Variants in RPP30 observed in about 807,000 individuals in gnomAD.
RPP30 encodes the protein ribonuclease P/MRP subunit p30, also known as ribonuclease P protein subunit p30.
A neutral mutation model predicts 38.6 loss-of-function variants in RPP30; 36 were observed. The observed-to-expected ratio is 0.93, with a 90% CI of 0.71 to 1.23. RPP30 has a LOEUF of 1.23. Among genes scored for constraint, RPP30 ranks in the 50% most tolerant of loss-of-function variants. RPP30 has a pLI of 0.00. For missense variants in RPP30, 321 were observed against 321.7 expected, an observed-to-expected ratio of 1.00 and a Z score of 0.02; for synonymous variants, 126 against 112.7, an observed-to-expected ratio of 1.12 and a Z score of -0.75.
intron 10 of RPP30, 116 bp from the exon 11 acceptor site, chr10:90,900,454 C>A: frequency 1.1e-6 from 1 of 923,810 alleles, no homozygotes; most frequent in Non-Finnish European, 1.6e-6. Context: ...GCAGCCATAG[C>A]AGTTCATTAT....
intron 6 of RPP30, among the ~76,000 whole-genome samples, 161 bp from the exon 7 acceptor site, chr10:90,894,614 G>C (rs530654527): frequency 6.6e-6 from 1 of 152,104 alleles, no homozygotes; most frequent in Non-Finnish European, 1.5e-5. Flanking sequence ...TCTCCTTGTG[G>C]GTGGTGCCAT....
downstream of RPP30, chr10:90,905,983 A>G (rs1304302497): frequency 1.3e-5 from 2 of 152,252 alleles, no homozygotes; most frequent in Non-Finnish European, 2.9e-5. Flanking sequence ...TGTCTAGAAT[A>G]AGTTGTTCAG....
chr10:90,900,771 T>G lies in RPP30; in HGVS notation c.*92T>G, dbSNP rs929945021. ...ATAAAACCTTTGTGTGATTTACTGTTTTCATTTGGAGCTAGAAATCAATAG... is the reference window on the plus strand; with the variant it reads ...ATAAAACCTTTGTGTGATTTACTGTGTTCATTTGGAGCTAGAAATCAATAG... On this transcript the variant is annotated 3_prime_UTR_variant, in exon 11 of 11. Transcript: ENST00000371703. 11 of 1,481,156 alleles carry G rather than the reference T, an allele frequency of 7.4e-6. No homozygotes were observed. The African/African-American group carries it at 1.1e-4, about 15-fold the overall frequency. 91.8% of individuals were successfully genotyped at this position (1,481,156 alleles called of 1,614,324 possible).
At chr10:90,897,143 G>C (rs551507455) in intron 10 of RPP30, among the ~76,000 whole-genome samples, 1 of 152,288 alleles carries the variant, frequency 6.6e-6, no homozygotes, top group South Asian at 2.1e-4. Context: ...TTGAAAGTAT[G>C]CTGAAACTTT....
chr10:90,885,972 A>G (rs1846995504), intron 6 of RPP30, 71 bp downstream of exon 6: 1 of 986,690 alleles, frequency 1.0e-6, no homozygotes, highest in South Asian at 1.5e-5. Flanking sequence ...GAAGCAGAAG[A>G]AATCAGTGTT....
At chr10:90,875,186 G>A (rs1001399130) in intron 2 of RPP30, among the ~76,000 whole-genome samples, 4 of 152,100 alleles carry the variant, frequency 2.6e-5, no homozygotes, top group African/African-American at 4.8e-5. Context: ...AAAGTGCATT[G>A]TTATTGGCTG....
At chr10:90,907,137 T>C (rs543867717), downstream of RPP30, among the ~76,000 whole-genome samples, 190 of 152,294 alleles carry the variant, frequency 1.2e-3, no homozygotes, top group Non-Finnish European at 1.9e-3. Context: ...CCCAGCTCTT[T>C]AGGGGAGGTG....
intron 6 of RPP30, among the ~76,000 whole-genome samples, chr10:90,886,262 T>C (rs572064650): frequency 6.4e-4 from 98 of 152,182 alleles, no homozygotes; most frequent in African/African-American, 2.3e-3. Flanking sequence ...CAGAGGATCC[T>C]TGAGGCACCA....
At chr10:90,891,828 C>T (rs1232881126) in intron 6 of RPP30, among the ~76,000 whole-genome samples, 1 of 152,094 alleles carries the variant, frequency 6.6e-6, no homozygotes, top group African/African-American at 2.4e-5. Flanking sequence ...AGGGATAGGG[C>T]AGATAGGATT....
chr10:90,879,807 G>A (rs1455910323), intron 5 of RPP30, among the ~76,000 whole-genome samples: 1 of 152,172 alleles, frequency 6.6e-6, no homozygotes, highest in Non-Finnish European at 1.5e-5. Flanking sequence ...AATGATTACA[G>A]TAAGGAAAAA....
In RPP30 at chr10:90,872,005, T is replaced by G. The variant is rs745752953; in HGVS notation, c.19T>G (p.Leu7Val). 2 of 1,614,068 alleles carry G rather than the reference T, an allele frequency of 1.2e-6. No homozygotes were observed. Among genetic ancestry groups the G allele is most frequent in the Non-Finnish European group, 1.7e-6 (2 of 1,179,956 alleles). Residue 7 changes from leucine (L) to valine (V), a missense_variant, in exon 1 of 11, where the codon TTG becomes GTG. Physicochemically the swap from Leu to Val is conservative, Grantham distance 32. Coordinates refer to ENST00000371703, the MANE Select transcript of RPP30 (RefSeq NM_006413.5). MAVFAD[L>V]DLRAGSDLKA... ...CTTCAGCATGGCGGTGTTTGCAGAT[T>G]TGGACCTGCGAGCGGGTTCTGACCT... is the stretch of plus-strand genomic sequence containing the variant.
rs1216983564 is a variant in RPP30 at position 90,872,062 on chromosome 10, G to C, written c.76G>C (p.Ala26Pro). The C allele has an allele frequency of 6.2e-7, 1 of 1,613,918 alleles. No homozygotes were observed. The highest frequency in any genetic ancestry group is 2.2e-5 in the East Asian group (1 of 44,874). The change falls in exon 1 of 11, where the codon GCT becomes CCT. Residue 26 changes from alanine (A) to proline (P), a missense_variant. Ala to Pro is a conservative substitution (Grantham distance 27). Transcript: ENST00000371703. ...KALRGLVETA[A>P]HLGYSVVAIN... ...TCTGCGCGGACTTGTGGAGACAGCCGCTCACCGTGAGTTGCCCCGGCTTCG... is the reference window on the plus strand; with the variant it reads ...TCTGCGCGGACTTGTGGAGACAGCCCCTCACCGTGAGTTGCCCCGGCTTCG...
In RPP30 at chr10:90,887,004, A is replaced by G. The variant is rs543440991; in HGVS notation, c.432+1103A>G. On this transcript the variant is annotated intron_variant, in intron 6 of 10. Transcript: ENST00000371703. ...AGTAGTAGAGACAGGGTGTCACTCT[A>G]TTGCCCAAGCTAGAGTGCAGTGGCA... 1.5e-4 allele frequency among the ~76,000 whole-genome samples: 23 copies of G among 152,198 alleles called. No individual in the cohort carries two copies. The East Asian group carries it at 3.9e-3, about 26-fold the overall frequency.
In RPP30 at chr10:90,901,015, TG is replaced by T; in HGVS notation, c.*337del. 1 of 892,646 alleles carries T rather than the reference TG, an allele frequency of 1.1e-6. No homozygotes were observed. Among genetic ancestry groups the T allele is most frequent in the Non-Finnish European group, 1.4e-6 (1 of 735,190 alleles). 55.3% of individuals were successfully genotyped at this position (892,646 alleles called of 1,614,324 possible). The stretch of plus-strand genomic sequence containing the variant: ...TTTGTTTTTGAGATAGGGTCTTTGT[TG>T]CTCAGGCTGGAGTACAGTGGCATAA... On this transcript the variant is annotated 3_prime_UTR_variant, in exon 11 of 11. Coordinates refer to ENST00000371703, the MANE Select transcript of RPP30 (RefSeq NM_006413.5).
chr10:90,903,487 A>G (rs1847224998), downstream of RPP30, among the ~76,000 whole-genome samples: 1 of 152,238 alleles, frequency 6.6e-6, no homozygotes, highest in Admixed American at 6.5e-5. Context: ...ATAAATGGGA[A>G]AAAAGTAGAA....
Position 90,879,630 on chromosome 10 carries a change from A to G in RPP30, c.342+496A>G, listed in dbSNP as rs1846897631. 3.3e-5 allele frequency among the ~76,000 whole-genome samples: 5 copies of G among 152,208 alleles called. No individual in the cohort carries two copies. The South Asian group carries it at 1.0e-3, about 32-fold the overall frequency. The stretch of plus-strand genomic sequence containing the variant: ...CTTTTAGTCTTTCAGAAATTCTTCA[A>G]AATCAGCCATTTGCTAGTATAATCC... On this transcript the variant is annotated intron_variant, in intron 5 of 10. Coordinates refer to ENST00000371703, the MANE Select transcript of RPP30 (RefSeq NM_006413.5).
At chr10:90,898,912 A>G (rs1439901832) in intron 10 of RPP30, among the ~76,000 whole-genome samples, 1 of 152,216 alleles carries the variant, frequency 6.6e-6, no homozygotes, top group Non-Finnish European at 1.5e-5. Flanking sequence ...TGTTGGGGAC[A>G]CCTGCCTTAG....
At chr10:90,897,685 T>C (rs1442144710) in intron 10 of RPP30, among the ~76,000 whole-genome samples, 1 of 152,212 alleles carries the variant, frequency 6.6e-6, no homozygotes, top group African/African-American at 2.4e-5. Context: ...AACTAAAATA[T>C]AAATACATAC....
Position 90,894,756 on chromosome 10 carries a change from C to A in RPP30, c.433-19C>A. Reference sequence around the variant, plus strand: ...CAGTGCATGCTTATCTCTGACAGTTCTCTTTATTTCCTGTGAAGGCGATTG... The same window carrying A: ...CAGTGCATGCTTATCTCTGACAGTTATCTTTATTTCCTGTGAAGGCGATTG... On this transcript the variant is annotated intron_variant, in intron 6 of 10. Coordinates refer to ENST00000371703, the MANE Select transcript of RPP30 (RefSeq NM_006413.5). 1.9e-6 allele frequency: 3 copies of A among 1,565,184 alleles called. No individual in the cohort carries two copies. Among genetic ancestry groups the A allele is most frequent in the South Asian group, 1.1e-5 (1 of 89,942 alleles).
Sources: allele counts gnomAD v4.1 joint callset (sites outside exome capture counted in the v4.1 genomes callset), GRCh38; gene constraint gnomAD v4.1.1; transcripts MANE v1.5; gene names NCBI Gene and HGNC (gene_info 2026-07-23, HGNC 2026-07-21).